Variants in ARHGAP23 observed in about 807,000 individuals in gnomAD.
The protein encoded by ARHGAP23 is rho GTPase-activating protein 23.
Under a neutral mutation model 136.3 loss-of-function variants are expected in ARHGAP23, and 34 were observed. The ratio of observed to expected loss-of-function variants is 0.25; its 90% CI spans 0.19 to 0.33. ARHGAP23 has a LOEUF of 0.33. Among genes scored for constraint, ARHGAP23 ranks in the 10% least tolerant of loss-of-function variants. ARHGAP23 has a pLI of 1.00. For missense variants in ARHGAP23, 1,808 were observed against 2,139.0 expected (o/e 0.85, Z 3.05); for synonymous variants, 832 against 920.5 (o/e 0.90, Z 1.74).
Position 38,463,123 on chromosome 17 carries a change from C to G in ARHGAP23, c.355C>G (p.Arg119Gly), listed in dbSNP as rs1018952758. The change falls in exon 5 of 24, where the codon CGG becomes GGG. Residue 119 changes from arginine (R) to glycine (G), a missense_variant. By Grantham distance (125) the Arg-to-Gly change is moderately radical. This residue lies in a region of ARHGAP23 where 859 missense variants were observed against 936.4 expected (regional missense o/e 0.92). Transcript: ENST00000622683. Reference sequence around the variant, plus strand: ...CATGCGCTCCTTGTCCCCAGGAGACCGGCTGGTAAAGGTGAATGGGGAAAG... The same window carrying G: ...CATGCGCTCCTTGTCCCCAGGAGACGGGCTGGTAAAGGTGAATGGGGAAAG... ...AHRAGLRTGD[R>G]LVKVNGESVI... The G allele has an allele frequency of 1.9e-6, 3 of 1,551,282 alleles. No homozygotes were observed. Among genetic ancestry groups the G allele is most frequent in the Non-Finnish European group, 2.6e-6 (3 of 1,146,774 alleles).
rs148732536 is a variant in ARHGAP23 at position 38,443,903 on chromosome 17, G to A, written c.64-14199G>A. Among the ~76,000 whole-genome samples, 1,391 of 152,214 alleles carry A rather than the reference G, an allele frequency of 9.1e-3. 14 individuals carry two copies. The highest frequency in any genetic ancestry group is 0.012 in the Non-Finnish European group (800 of 67,990). ...CAGACAACAGGAAGCACTCCTGGGG[G>A]GCGGGGGGCAGGCGGAGTCACACCT... is the stretch of plus-strand genomic sequence containing the variant. On this transcript the variant is annotated intron_variant, in intron 1 of 23. Coordinates refer to ENST00000622683, the MANE Select transcript of ARHGAP23 (RefSeq NM_001199417.2).
At chr17:38,467,620 CCAT>C (rs1291808640) in intron 7 of ARHGAP23, among the ~76,000 whole-genome samples, 5 of 152,176 alleles carry the variant, frequency 3.3e-5, no homozygotes, top group Non-Finnish European at 7.3e-5. Flanking sequence ...ATCCATCCAT[CCAT>C]CATCTGTTCT....
chr17:38,470,963 T>C (rs1597803483), intron 10 of ARHGAP23, among the ~76,000 whole-genome samples: 1 of 151,696 alleles, frequency 6.6e-6, no homozygotes, highest in Non-Finnish European at 1.5e-5. Context: ...CTTTCTTTTT[T>C]TTTTTTTGAG....
intron 1 of ARHGAP23, among the ~76,000 whole-genome samples, chr17:38,447,437 GAAAAAAAAAA>G (rs71138625): frequency 0.013 from 321 of 25,660 alleles, 3 homozygotes; most frequent in Admixed American, 0.023. Context: ...GACTCCGTCT[GAAAAAAAAAA>G]AAAAAAAAAA....
At chr17:38,501,738 A>G (rs1341565849) in intron 23 of ARHGAP23, among the ~76,000 whole-genome samples, 1 of 152,110 alleles carries the variant, frequency 6.6e-6, no homozygotes, top group Non-Finnish European at 1.5e-5. Context: ...GAATAGTCCT[A>G]TACCTCCTAA....
intron 1 of ARHGAP23, among the ~76,000 whole-genome samples, chr17:38,453,460 T>TGCGC (rs1306314077): frequency 1.7e-4 from 19 of 111,990 alleles, no homozygotes; most frequent in Non-Finnish European, 2.7e-4. Flanking sequence ...TGTGTGTGTG[T>TGCGC]GCGCGCGCGC....
In ARHGAP23 at chr17:38,510,116, CG is replaced by C. The variant is rs1333192228; in HGVS notation, c.3624del (p.Thr1209LeufsTer74). ...AAGCCTGGGGCGGGGGCCACAGCGC[CG>C]GGGACTCAGGAGCGGCCGCAGGGGC... ...AHKPGAGATA[P>X]GTQERPQGPL... On this transcript the variant is annotated frameshift_variant, in exon 24 of 24. Transcript: ENST00000622683. LOFTEE classifies it high-confidence loss of function. This position sits in a 1 kb window ranked among gnomAD's most constrained non-coding sequence, Gnocchi z 4.6. 3 of 1,258,144 alleles carry C rather than the reference CG, an allele frequency of 2.4e-6. No homozygotes were observed. The highest frequency in any genetic ancestry group is 3.0e-6 in the Non-Finnish European group (3 of 1,006,894). 77.9% of individuals were successfully genotyped at this position (1,258,144 alleles called of 1,614,324 possible). A position where few individuals can be genotyped will look rare whatever the true frequency, so the allele number is the denominator to read the frequency against.
chr17:38,433,370 AT>A (rs2038725638), intron 1 of ARHGAP23, among the ~76,000 whole-genome samples: 1 of 152,226 alleles, frequency 6.6e-6, no homozygotes, highest in Non-Finnish European at 1.5e-5. Flanking sequence ...AGCAACTATT[AT>A]TAAAAAAAAT....
At chr17:38,500,767 G>A (rs1378702483) in intron 23 of ARHGAP23, 139 bp downstream of exon 23, 7 of 794,294 alleles carry the variant, frequency 8.8e-6, no homozygotes, top group Middle Eastern at 3.5e-4. Flanking sequence ...AGGAGGTACC[G>A]AGTGCCCAAG....
At chr17:38,468,485 G>T (rs2039666440) in intron 7 of ARHGAP23, among the ~76,000 whole-genome samples, 1 of 152,180 alleles carries the variant, frequency 6.6e-6, no homozygotes. Flanking sequence ...TAATGGAGAG[G>T]GATGGTGGTA....
At chr17:38,457,799 C>T (rs980940405) in intron 1 of ARHGAP23, 2 of 502,964 alleles carry the variant, frequency 4.0e-6, no homozygotes, top group African/African-American at 3.9e-5. Context: ...GCTCAGTGAA[C>T]ATTTGCTGAA....
At chr17:38,498,574 G>C in intron 22 of ARHGAP23, 64 bp downstream of exon 22, 1 of 1,348,372 alleles carries the variant, frequency 7.4e-7, no homozygotes, top group East Asian at 2.6e-5. Context: ...GAGGGTCCCA[G>C]GTGCCTGGCC....
chr17:38,471,987 T>C lies in ARHGAP23; in HGVS notation c.2099T>C (p.Ile700Thr). 1 of 1,549,412 alleles carries C rather than the reference T, an allele frequency of 6.5e-7. No homozygotes were observed. The highest frequency in any genetic ancestry group is 8.7e-7 in the Non-Finnish European group (1 of 1,146,738). Residue 700 changes from isoleucine (I) to threonine (T), a missense_variant, in exon 11 of 24, where the codon ATT becomes ACT. Physicochemically the swap from Ile to Thr is moderately conservative, Grantham distance 89. Transcript: ENST00000622683. ...RREGWLYYKQILTKKGKKAGS... is the reference protein window; with the variant it reads ...RREGWLYYKQTLTKKGKKAGS... ...GAAGGCTGGTTGTATTATAAGCAGA[T>C]TCTCACCAAGAAGGGGAAGGTAAGA...
intron 11 of ARHGAP23, among the ~76,000 whole-genome samples, chr17:38,473,195 G>A (rs1018848690): frequency 1.4e-5 from 2 of 146,472 alleles, no homozygotes; most frequent in African/African-American, 5.1e-5. Flanking sequence ...CTCAAATTAT[G>A]TGTCTGCCTC....
At chr17:38,441,791 A>T (rs1378691129) in intron 1 of ARHGAP23, among the ~76,000 whole-genome samples, 4 of 152,072 alleles carry the variant, frequency 2.6e-5, no homozygotes, top group Non-Finnish European at 5.9e-5. Context: ...GTCCAGGGAG[A>T]GGGGAACTTG....
At chr17:38,450,292 G>A (rs1597766956) in intron 1 of ARHGAP23, 1 of 152,236 alleles carries the variant, frequency 6.6e-6, no homozygotes, top group Non-Finnish European at 1.5e-5. Flanking sequence ...AAACAAGAGG[G>A]TAATGGAAAA....
chr17:38,437,410 A>G (rs1041010887), intron 1 of ARHGAP23, among the ~76,000 whole-genome samples: 2 of 152,024 alleles, frequency 1.3e-5, no homozygotes, highest in African/African-American at 4.8e-5. Context: ...ACAGGCATGA[A>G]CCAAAGATCA....
chr17:38,424,149 G>T (rs991743397), upstream of ARHGAP23, among the ~76,000 whole-genome samples: 17 of 152,084 alleles, frequency 1.1e-4, no homozygotes, highest in African/African-American at 3.9e-4. Flanking sequence ...CTTGATTCAG[G>T]GCTCCTTTGA....
At chr17:38,496,973 C>A (rs1037754566) in intron 20 of ARHGAP23, among the ~76,000 whole-genome samples, 1 of 151,388 alleles carries the variant, frequency 6.6e-6, no homozygotes, top group African/African-American at 2.4e-5. Flanking sequence ...AAAAGAATAG[C>A]TTTATTTTAC....
Sources: allele counts gnomAD v4.1 joint callset (sites outside exome capture counted in the v4.1 genomes callset), GRCh38; gene constraint gnomAD v4.1.1; regional missense constraint gnomAD v4.1.1; non-coding constraint Gnocchi (gnomAD v3.1); transcripts MANE v1.5; gene names NCBI Gene and HGNC (gene_info 2026-07-23, HGNC 2026-07-21).